The following PAQR3 variants were observed in gnomAD, a reference collection of about 807,000 sequenced individuals.
The protein encoded by PAQR3 is Raf kinase trapping to Golgi.
A neutral mutation model predicts 41.7 loss-of-function variants in PAQR3; 39 were observed. That is an observed-to-expected ratio of 0.93 (90% CI 0.72 to 1.22). PAQR3 has a LOEUF of 1.22. Ranked by LOEUF, PAQR3 falls within the 50% of genes most tolerant of loss-of-function variation. The pLI is 0.00. For missense variants in PAQR3, 366 were observed against 385.6 expected (o/e 0.95, Z 0.42); for synonymous variants, 140 against 140.6 (o/e 1.00, Z 0.03).
At chr4:78,887,704 C>T (rs1733175431) in intron 12 of PAQR3, among the ~76,000 whole-genome samples, 1 of 152,078 alleles carries the variant, frequency 6.6e-6, no homozygotes, top group African/African-American at 2.4e-5. Flanking sequence ...TCTTATATCC[C>T]TCTTTTGATT....
At chr4:78,929,122 C>CT (rs1736554075) in intron 3 of PAQR3, among the ~76,000 whole-genome samples, 1 of 152,214 alleles carries the variant, frequency 6.6e-6, no homozygotes, top group Non-Finnish European at 1.5e-5. Flanking sequence ...GGCCTGGTTC[C>CT]TAACAGGCCA....
At chr4:78,930,347 TA>T (rs765528691) in intron 2 of PAQR3, 22 bp from the exon 3 acceptor site, 1 of 1,586,710 alleles carries the variant, frequency 6.3e-7, no homozygotes. Flanking sequence ...AAAAACAAAT[TA>T]ACAAAGTGAC....
In PAQR3 at chr4:78,915,095, C is replaced by G. The variant is rs1734930521; in HGVS notation, c.*5444G>C. The stretch of plus-strand genomic sequence containing the variant: ...GTAGGCCGGATGAAAATTTAACTGA[C>G]TAGAACATTTATTCAGGAGTGTAAT... On this transcript the variant is annotated 3_prime_UTR_variant, in exon 6 of 6. Coordinates refer to ENST00000512733, the MANE Select transcript of PAQR3 (RefSeq NM_001040202.2). 6.6e-6 allele frequency: 1 copy of G among 151,974 alleles called. No individual in the cohort carries two copies. The highest frequency in any genetic ancestry group is 2.4e-5 in the African/African-American group (1 of 41,412). The allele number at this position is 151,974 out of a possible 1,614,324, so 9.4% of individuals were successfully genotyped here.
rs1273103081 is a variant in PAQR3, at chr4:78,917,143, C to T, written c.*3396G>A. ...AGATGAATATATGCTGCAATTTGAG[C>T]TATTTATTTTGGATAACGAATACCT... On this transcript the variant is annotated 3_prime_UTR_variant, in exon 6 of 6. Coordinates refer to ENST00000512733, the MANE Select transcript of PAQR3 (RefSeq NM_001040202.2). 3 of 151,912 alleles carry T rather than the reference C, an allele frequency of 2.0e-5. No homozygotes were observed. Among genetic ancestry groups the T allele is most frequent in the Non-Finnish European group, 4.4e-5 (3 of 67,892 alleles). The allele number at this position is 151,912 out of a possible 1,614,324, so 9.4% of individuals were successfully genotyped here. A position where few individuals can be genotyped will look rare whatever the true frequency, so the allele number is the denominator to read the frequency against.
chr4:78,898,615 G>A (rs1733833271), intron 11 of PAQR3, among the ~76,000 whole-genome samples: 1 of 148,298 alleles, frequency 6.7e-6, no homozygotes, highest in African/African-American at 2.5e-5. Flanking sequence ...TTCCTTTCCT[G>A]TTTAAAGTCC....
intron 5 of PAQR3, 63 bp from the exon 6 acceptor site, chr4:78,920,744 T>C (rs1161202760): frequency 6.6e-7 from 1 of 1,519,450 alleles, no homozygotes; most frequent in Non-Finnish European, 8.9e-7. Context: ...AGGAAAAATA[T>C]ATTTCTTGGA....
intron 4 of PAQR3, among the ~76,000 whole-genome samples, chr4:78,926,178 A>G (rs1019429499): frequency 6.6e-6 from 1 of 152,184 alleles, no homozygotes; most frequent in African/African-American, 2.4e-5. Flanking sequence ...TTGCGTTATC[A>G]TTGGCATTAT....
rs1476191490 is a variant in PAQR3, at chr4:78,917,299, T to A, written c.*3240A>T. On this transcript the variant is annotated 3_prime_UTR_variant, in exon 6 of 6. Coordinates refer to ENST00000512733, the MANE Select transcript of PAQR3 (RefSeq NM_001040202.2). ...GATGGTTGTCACAATTGAGATTATG[T>A]GCAGGTTAGGTAGTATTTTGATCTC... 6.6e-6 allele frequency: 1 copy of A among 151,988 alleles called. No homozygotes were observed. The highest frequency in any genetic ancestry group is 1.5e-5 in the Non-Finnish European group (1 of 67,912). The allele number at this position is 151,988 out of a possible 1,614,324, so 9.4% of individuals were successfully genotyped here.
chr4:78,938,719 G>T (rs1473043672), intron 1 of PAQR3, among the ~76,000 whole-genome samples: 1 of 151,948 alleles, frequency 6.6e-6, no homozygotes, highest in African/African-American at 2.4e-5. Flanking sequence ...GGGCAAATAT[G>T]GCTCAGCCCC....
intron 11 of PAQR3, among the ~76,000 whole-genome samples, chr4:78,892,426 A>G (rs187213913): frequency 6.6e-6 from 1 of 152,246 alleles, no homozygotes; most frequent in Admixed American, 6.5e-5. Flanking sequence ...ATCTATTCTG[A>G]TATTCCGTTT....
rs1735534270 is a variant in PAQR3, at chr4:78,920,398, T to C, written c.*141A>G. 2 of 1,265,898 alleles carry C rather than the reference T, an allele frequency of 1.6e-6. No individual in the cohort carries two copies. Among genetic ancestry groups the C allele is most frequent in the Non-Finnish European group, 9.9e-7 (1 of 1,012,080 alleles). 78.4% of individuals were successfully genotyped at this position (1,265,898 alleles called of 1,614,324 possible). ...TATTACTACAGATCCTTAAGTATAC[T>C]TTTTTTCCCATTTTTATAAAGCATT... On this transcript the variant is annotated 3_prime_UTR_variant, in exon 6 of 6. Transcript: ENST00000512733.
In PAQR3 at chr4:78,913,211, T is replaced by C. The variant is rs1474688687; in HGVS notation, c.*7328A>G. ...AAGCCTTATATAAAGGCAGGATTCA[T>C]GCATCCTGCTGCAAGTACCTCTGCA... On this transcript the variant is annotated 3_prime_UTR_variant, in exon 6 of 6. Coordinates refer to ENST00000512733, the MANE Select transcript of PAQR3 (RefSeq NM_001040202.2). 1 of 152,154 alleles carries C rather than the reference T, an allele frequency of 6.6e-6. No individual in the cohort carries two copies. The highest frequency in any genetic ancestry group is 2.4e-5 in the African/African-American group (1 of 41,450). 9.4% of individuals were successfully genotyped at this position (152,154 alleles called of 1,614,324 possible).
intron 11 of PAQR3, among the ~76,000 whole-genome samples, chr4:78,901,429 T>C (rs1734001004): frequency 6.6e-6 from 1 of 152,122 alleles, no homozygotes; most frequent in Non-Finnish European, 1.5e-5. Context: ...ATTGAAAGGA[T>C]TAAATGAGTT....
intron 2 of PAQR3, among the ~76,000 whole-genome samples, chr4:78,933,449 TTA>T (rs1368551072): frequency 2.0e-4 from 30 of 152,124 alleles, no homozygotes; most frequent in Non-Finnish European, 3.5e-4. Context: ...GAGAAAAATG[TTA>T]TGTCTTTTAA....
chr4:78,888,066 T>C (rs1418470294), exon 12 of PAQR3: 2 of 152,232 alleles, frequency 1.3e-5, no homozygotes. Flanking sequence ...CTTACAAATG[T>C]AAAGCCAAAA....
At position 78,931,137 on chromosome 4, in the gene PAQR3, C is replaced by T. The variant is rs977550800; in HGVS notation, c.349-812G>A. On this transcript the variant is annotated intron_variant, in intron 2 of 5. Transcript: ENST00000512733. The stretch of plus-strand genomic sequence containing the variant: ...GGCCATGGTGGGAGGATCTCTTGAG[C>T]GCAGGAGTTCGAGACCAGCCTGGGC... Among the ~76,000 whole-genome samples the T allele has an allele frequency of 5.2e-4, 73 of 141,270 alleles. 1 individual carries two copies. Among genetic ancestry groups the T allele is most frequent in the Admixed American group, 1.1e-3 (14 of 13,108 alleles). The allele number at this position is 141,270 out of a possible 152,430, so 92.7% of individuals were successfully genotyped here. A position where few individuals can be genotyped will look rare whatever the true frequency, so the allele number is the denominator to read the frequency against.
chr4:78,894,445 G>A (rs1181093520), intron 11 of PAQR3, among the ~76,000 whole-genome samples: 1 of 152,170 alleles, frequency 6.6e-6, no homozygotes, highest in African/African-American at 2.4e-5. Context: ...TCTGGAGATG[G>A]CTTCTTTCCT....
chr4:78,921,008 TGAGA>T (rs537942748), intron 5 of PAQR3, among the ~76,000 whole-genome samples: 1 of 151,910 alleles, frequency 6.6e-6, no homozygotes, highest in Non-Finnish European at 1.5e-5. Context: ...AAAAAATTAT[TGAGA>T]GAGGCAAAAG....
rs1223297110 is a variant in PAQR3, at chr4:78,923,965, T to A, written c.703-18A>T. ...GCAAAGTCCTGAAAAGCAGAACATGTTTTTTTACAGATCTTCCTACTGTTA... is the reference window on the plus strand; with the variant it reads ...GCAAAGTCCTGAAAAGCAGAACATGATTTTTTACAGATCTTCCTACTGTTA... On this transcript the variant is annotated intron_variant, in intron 4 of 5. Transcript: ENST00000512733. The A allele has an allele frequency of 7.1e-6, 11 of 1,552,784 alleles. No individual in the cohort carries two copies. The highest frequency in any genetic ancestry group is 1.4e-5 in the African/African-American group (1 of 73,354).
Sources: gnomAD v4.1 joint callset for allele counts (sites outside exome capture counted in the v4.1 genomes callset) on GRCh38, gnomAD v4.1.1 for gene constraint, MANE v1.5 for transcripts, NCBI Gene and HGNC (gene_info 2026-07-23, HGNC 2026-07-21) for gene names.